SEMA3A: variants seen among roughly 807,000 people sequenced by gnomAD.
SEMA3A encodes the protein semaphorin 3A, also known as semaphorin-3A.
SEMA3A carries 29 observed loss-of-function variants against 97.9 expected under a neutral mutation model. That is an observed-to-expected ratio of 0.30 (90% CI 0.22 to 0.40). The LOEUF (loss-of-function observed/expected upper bound fraction) is 0.40, where lower values mean the gene tolerates loss of function less well. SEMA3A is among the 10% of genes least tolerant of loss of function. The probability of loss-of-function intolerance (pLI) is 1.00; values close to 1 mark genes in which losing one functional copy is unlikely to be tolerated. For missense variants in SEMA3A, 763 were observed against 951.3 expected, an observed-to-expected ratio of 0.80 and a Z score of 2.60; for synonymous variants, 321 against 323.7, an observed-to-expected ratio of 0.99 and a Z score of 0.09.
intron 2 of SEMA3A, among the ~76,000 whole-genome samples, chr7:84,310,348 T>C (rs9986714): frequency 0.17 from 26,456 of 151,840 alleles, 2,926 homozygotes; most frequent in African/African-American, 0.31. Flanking sequence ...AGATACAAAA[T>C]AACTGATCCA....
At chr7:84,205,309 C>A (rs1006511638) in intron 3 of SEMA3A, among the ~76,000 whole-genome samples, 1 of 152,126 alleles carries the variant, frequency 6.6e-6, no homozygotes, top group African/African-American at 2.4e-5. Flanking sequence ...ACTAGGGAAT[C>A]CTGATTGGCT....
intron 2 of SEMA3A, among the ~76,000 whole-genome samples, chr7:84,312,146 T>C (rs1284395210): frequency 1.3e-5 from 2 of 151,968 alleles, no homozygotes; most frequent in Admixed American, 6.6e-5. Context: ...AAACCTAATT[T>C]TTTGTTGATG....
At chr7:84,163,320 CT>C (rs879586782) in intron 1 of SEMA3A, among the ~76,000 whole-genome samples, 10 of 152,008 alleles carry the variant, frequency 6.6e-5, no homozygotes, top group Admixed American at 5.9e-4. Flanking sequence ...GGTATGTGTA[CT>C]TTTTAAAACA....
chr7:84,282,509 G>A (rs1161046119), intron 3 of SEMA3A, among the ~76,000 whole-genome samples: 1 of 151,914 alleles, frequency 6.6e-6, no homozygotes, highest in Non-Finnish European at 1.5e-5. Flanking sequence ...AAACATAATT[G>A]TCTTTCCTAT....
chr7:84,381,593 C>A (rs989215488), intron 1 of SEMA3A, among the ~76,000 whole-genome samples: 1 of 152,182 alleles, frequency 6.6e-6, no homozygotes, highest in Admixed American at 6.5e-5. Flanking sequence ...TCTCTCCTAT[C>A]CCTTTGGTCA....
At chr7:83,986,494 A>G (rs1183404986) in intron 12 of SEMA3A, among the ~76,000 whole-genome samples, 1 of 152,186 alleles carries the variant, frequency 6.6e-6, no homozygotes, top group Non-Finnish European at 1.5e-5. Flanking sequence ...CCAAAAGCCT[A>G]TATAACTGAA....
At chr7:84,230,707 C>T (rs567170676) in intron 3 of SEMA3A, among the ~76,000 whole-genome samples, 5 of 151,994 alleles carry the variant, frequency 3.3e-5, no homozygotes, top group Admixed American at 1.3e-4. Flanking sequence ...CTCAACTTCT[C>T]TTGATTACAG....
intron 3 of SEMA3A, among the ~76,000 whole-genome samples, chr7:84,264,826 T>A: frequency 6.6e-6 from 1 of 152,318 alleles, no homozygotes; most frequent in South Asian, 2.1e-4. Flanking sequence ...CTCCTGTAAG[T>A]AATCCTGGGT....
intron 12 of SEMA3A, among the ~76,000 whole-genome samples, chr7:83,994,814 C>A (rs1033959846): frequency 1.2e-4 from 18 of 152,120 alleles, no homozygotes; most frequent in Non-Finnish European, 2.5e-4. Flanking sequence ...CAGAGGCAGG[C>A]AGGCCTCCTT....
chr7:84,386,065 A>G (rs772702163), intron 1 of SEMA3A, among the ~76,000 whole-genome samples: 1 of 152,096 alleles, frequency 6.6e-6, no homozygotes. Context: ...ATGTGTTTCC[A>G]TTTTTCCAAA....
chr7:84,011,404 G>T, intron 7 of SEMA3A, 107 bp from the exon 8 acceptor site: 1 of 729,766 alleles, frequency 1.4e-6, no homozygotes, highest in Non-Finnish European at 2.3e-6. Context: ...AGTTTCTCAT[G>T]TTTTAAAAGT....
chr7:84,007,235 T>A, intron 10 of SEMA3A, 118 bp downstream of exon 10: 1 of 773,860 alleles, frequency 1.3e-6, no homozygotes, highest in Non-Finnish European at 1.9e-6. Context: ...TAATTTATAA[T>A]CTTGAAATCT....
At chr7:84,308,374 A>C (rs191613254) in intron 2 of SEMA3A, among the ~76,000 whole-genome samples, 1 of 152,332 alleles carries the variant, frequency 6.6e-6, no homozygotes, top group Admixed American at 6.5e-5. Flanking sequence ...AAGCATTTAA[A>C]ACTCAAATGT....
chr7:84,492,355 C>T (rs1562964640), intron 1 of SEMA3A: 1 of 152,046 alleles, frequency 6.6e-6, no homozygotes, highest in African/African-American at 2.4e-5. Context: ...TGAACATAAG[C>T]TTTGTCCTAG....
At chr7:84,195,765 C>T (rs1054073411), upstream of SEMA3A, among the ~76,000 whole-genome samples, 6 of 152,188 alleles carry the variant, frequency 3.9e-5, no homozygotes, top group Admixed American at 6.5e-5. Context: ...ATTAAAGACA[C>T]TTCCCTAGTT....
In SEMA3A at chr7:84,134,873, T is replaced by G; in HGVS notation, c.191A>C (p.Glu64Ala). The G allele has an allele frequency of 1.9e-6, 3 of 1,613,940 alleles. No homozygotes were observed. The highest frequency in any genetic ancestry group is 2.5e-6 in the Non-Finnish European group (3 of 1,179,848). The change falls in exon 2 of 17, where the codon GAG (glutamate) becomes GCG (alanine). Residue 64 changes from glutamate to alanine, a missense_variant. By Grantham distance (107) the Glu-to-Ala change is moderately radical. This residue lies in a region of SEMA3A where 85 missense variants were observed against 70.0 expected (regional missense o/e 1.21). Transcript: ENST00000265362. The stretch of plus-strand genomic sequence containing the variant: ...TCCAACATACAGCCTACTCCGTTCC[T>G]CATCCAAAAGGAAGGTATGATAACT... ...SSSYHTFLLD[E>A]ERSRLYVGAK...
At chr7:84,097,317 G>A (rs1003827849) in intron 4 of SEMA3A, among the ~76,000 whole-genome samples, 1 of 152,124 alleles carries the variant, frequency 6.6e-6, no homozygotes, top group Non-Finnish European at 1.5e-5. Flanking sequence ...TGAGGTAACT[G>A]ATTGAAACAG....
At chr7:84,300,163 G>GA (rs143705526) in intron 3 of SEMA3A, among the ~76,000 whole-genome samples, 3,877 of 143,068 alleles carry the variant, frequency 0.027, 68 homozygotes, top group South Asian at 0.043. Context: ...AAATAAAATA[G>GA]AAAAAAAAAC....
intron 1 of SEMA3A, among the ~76,000 whole-genome samples, chr7:84,484,067 G>C (rs1300575798): frequency 6.7e-6 from 1 of 149,206 alleles, no homozygotes; most frequent in Non-Finnish European, 1.5e-5. Context: ...AAAAAAAAAA[G>C]AAAAAATCTG....
Sources: allele counts gnomAD v4.1 joint callset (sites outside exome capture counted in the v4.1 genomes callset), GRCh38; gene constraint gnomAD v4.1.1; regional missense constraint gnomAD v4.1.1; transcripts MANE v1.5; gene names NCBI Gene and HGNC (gene_info 2026-07-23, HGNC 2026-07-21).